Variants in LFNG observed in about 807,000 individuals in gnomAD.
LFNG encodes LFNG O-fucosylpeptide 3-beta-N-acetylglucosaminyltransferase, also known as beta-1,3-N-acetylglucosaminyltransferase lunatic fringe.
LFNG carries 15 observed loss-of-function variants against 32.7 expected under a neutral mutation model. The observed-to-expected ratio is 0.46, with a 90% CI of 0.31 to 0.71. LFNG has a LOEUF of 0.71. Among genes scored for constraint, LFNG ranks in the 30% least tolerant of loss-of-function variants. The probability of loss-of-function intolerance (pLI) is 0.06; values close to 1 mark genes in which losing one functional copy is unlikely to be tolerated. For missense variants in LFNG, 520 were observed against 545.7 expected (o/e 0.95, Z 0.47); for synonymous variants, 274 against 246.8 (o/e 1.11, Z -1.03).
upstream of LFNG, among the ~76,000 whole-genome samples, chr7:2,515,980 G>C (rs543797768): frequency 7.2e-5 from 11 of 152,356 alleles, no homozygotes; most frequent in African/African-American, 2.4e-4. Context: ...CTGCCACCAA[G>C]GGCTGCTCAC....
chr7:2,526,235 C>G lies in LFNG; in HGVS notation c.822-9C>G, dbSNP rs199661195. On this transcript the variant is annotated splice_polypyrimidine_tract_variant and intron_variant, in intron 5 of 7. Transcript: ENST00000222725. The surrounding 1 kb of genome is among the most constrained non-coding windows in gnomAD (Gnocchi z 6.9). ...TCTGCTCACTGGTCTGGGCCCTTCC[C>G]TCCCGCAGCGGGGGTCACTTCATGA... 261 of 1,612,570 alleles carry G rather than the reference C, an allele frequency of 1.6e-4. 1 individual carries two copies. The highest frequency in any genetic ancestry group is 3.3e-5 in the Admixed American group (2 of 60,008).
chr7:2,521,611 C>A (rs1310528444), intron 1 of LFNG, among the ~76,000 whole-genome samples: 1 of 152,200 alleles, frequency 6.6e-6, no homozygotes, highest in Non-Finnish European at 1.5e-5. Context: ...CTGGCCCCCC[C>A]ACCCCCAGCA....
At chr7:2,524,037 G>A (rs1483025964) in intron 1 of LFNG, among the ~76,000 whole-genome samples, 3 of 152,134 alleles carry the variant, frequency 2.0e-5, no homozygotes, top group African/African-American at 4.8e-5. Context: ...GGTAATGGGC[G>A]GCGCGGCCAC....
At chr7:2,512,753 C>T in intron 1 of LFNG, 2 of 1,567,348 alleles carry the variant, frequency 1.3e-6, no homozygotes, top group Non-Finnish European at 1.8e-6. Flanking sequence ...AGCCGTCCCT[C>T]TTGCTCGTGA....
chr7:2,527,832 C>A lies in LFNG; in HGVS notation c.*620C>A. 3 of 1,002,706 alleles carry A rather than the reference C, an allele frequency of 3.0e-6. No individual in the cohort carries two copies. The highest frequency in any genetic ancestry group is 3.6e-6 in the Non-Finnish European group (3 of 838,884). 62.1% of individuals were successfully genotyped at this position (1,002,706 alleles called of 1,614,324 possible). A position where few individuals can be genotyped will look rare whatever the true frequency, so the allele number is the denominator to read the frequency against. On this transcript the variant is annotated 3_prime_UTR_variant, in exon 8 of 8. Transcript: ENST00000222725. The surrounding 1 kb of genome is among the most constrained non-coding windows in gnomAD (Gnocchi z 4.4). ...GTGGCTGGCTGTCCAGCTGGGCAAA[C>A]AGTGGCACCCCTCCCAGCTCTTCTG...
intron 1 of LFNG, 53 bp from the exon 2 acceptor site, chr7:2,524,642 C>T: frequency 1.3e-6 from 2 of 1,533,216 alleles, no homozygotes; most frequent in Non-Finnish European, 1.8e-6. Context: ...CCACAGATGG[C>T]CCTGGGGTGG....
At chr7:2,518,098 C>G (rs993916358), upstream of LFNG, among the ~76,000 whole-genome samples, 1 of 152,074 alleles carries the variant, frequency 6.6e-6, no homozygotes, top group African/African-American at 2.4e-5. Context: ...TCATGGACAC[C>G]CCTCAGTCCG....
chr7:2,527,272 T>TGTTGC lies in LFNG; in HGVS notation c.*62_*66dup. On this transcript the variant is annotated 3_prime_UTR_variant, in exon 8 of 8. Transcript: ENST00000222725. The surrounding 1 kb of genome is among the most constrained non-coding windows in gnomAD (Gnocchi z 4.4). ...TGGTATCCAAAGGGCCCAGGGACCCTGTTGCGCTGCCCTGGCCTCGGCATT... is the reference window on the plus strand; with the variant it reads ...TGGTATCCAAAGGGCCCAGGGACCCTGTTGCGTTGCGCTGCCCTGGCCTCGGCATT... The TGTTGC allele has an allele frequency of 6.3e-7, 1 of 1,596,886 alleles. No homozygotes were observed. Among genetic ancestry groups the TGTTGC allele is most frequent in the Non-Finnish European group, 8.5e-7 (1 of 1,175,864 alleles).
At chr7:2,524,892 G>C (rs996900151) in intron 2 of LFNG, 149 bp downstream of exon 2, 2 of 741,862 alleles carry the variant, frequency 2.7e-6, no homozygotes, top group South Asian at 1.7e-5. Context: ...TCCATGCCCC[G>C]CCCCACCACT....
chr7:2,518,044 T>C (rs747775683), upstream of LFNG: 4 of 518,144 alleles, frequency 7.7e-6, no homozygotes, highest in Non-Finnish European at 1.1e-5. Context: ...ACAATTCAGA[T>C]ATGGGAGAGC....
upstream of LFNG, among the ~76,000 whole-genome samples, chr7:2,518,822 A>G (rs890221016): frequency 6.6e-6 from 1 of 152,012 alleles, no homozygotes; most frequent in Non-Finnish European, 1.5e-5. Context: ...CACCCTGCTC[A>G]GGCGACCCTT....
chr7:2,512,821 G>A, intron 1 of LFNG: 1 of 894,408 alleles, frequency 1.1e-6, no homozygotes, highest in Non-Finnish European at 1.8e-6. Context: ...AGATCCTCAG[G>A]CTTCTCTTTA....
chr7:2,516,313 G>A (rs777110838), upstream of LFNG, among the ~76,000 whole-genome samples: 3 of 152,230 alleles, frequency 2.0e-5, no homozygotes, highest in African/African-American at 7.2e-5. Context: ...GCTTCCTGCC[G>A]AGTTAATGGG....
chr7:2,524,833 G>C (rs1779904620), intron 2 of LFNG, 90 bp downstream of exon 2: 1 of 1,274,780 alleles, frequency 7.8e-7, no homozygotes, highest in Non-Finnish European at 1.1e-6. Flanking sequence ...TCTGGGCCGA[G>C]AGGTCACCAA....
upstream of LFNG, chr7:2,513,439 T>C (rs567040231): frequency 1.4e-5 from 18 of 1,243,620 alleles, no homozygotes; most frequent in South Asian, 2.5e-4. Flanking sequence ...GGGGGAAAGA[T>C]GGCCCATGGT....
chr7:2,522,622 CCGTCTT>C (rs1389314655), intron 1 of LFNG, among the ~76,000 whole-genome samples: 6 of 149,332 alleles, frequency 4.0e-5, no homozygotes, highest in African/African-American at 1.4e-4. Flanking sequence ...TCCTGCAGCC[CCGTCTT>C]CGTCTGGAAA....
chr7:2,526,413 C>A lies in LFNG; in HGVS notation c.987+4C>A. On this transcript the variant is annotated splice_donor_region_variant and intron_variant, in intron 6 of 7. Coordinates refer to ENST00000222725, the MANE Select transcript of LFNG (RefSeq NM_001040167.2). This position sits in a 1 kb window ranked among gnomAD's most constrained non-coding sequence, Gnocchi z 6.9. ...CACCTCGGAGCTCCACGAGCAGGTG[C>A]ACCATCCTCCGGGCCCCGCCAGGAC... is the stretch of plus-strand genomic sequence containing the variant. The A allele has an allele frequency of 6.2e-7, 1 of 1,605,996 alleles. No individual in the cohort carries two copies. The highest frequency in any genetic ancestry group is 8.5e-7 in the Non-Finnish European group (1 of 1,179,864).
chr7:2,516,277 C>T (rs1370685211), upstream of LFNG, among the ~76,000 whole-genome samples: 2 of 152,228 alleles, frequency 1.3e-5, no homozygotes, highest in African/African-American at 2.4e-5. Context: ...CTCCATCAGC[C>T]GATGAGTGGA....
chr7:2,512,908 C>A (rs1261895228), upstream of LFNG, among the ~76,000 whole-genome samples: 1 of 151,652 alleles, frequency 6.6e-6, no homozygotes, highest in Non-Finnish European at 1.5e-5. Flanking sequence ...TGCTCCCACA[C>A]CCCTGCCCAA....
Sources: allele counts gnomAD v4.1 joint callset (sites outside exome capture counted in the v4.1 genomes callset), GRCh38; gene constraint gnomAD v4.1.1; non-coding constraint Gnocchi (gnomAD v3.1); transcripts MANE v1.5; gene names NCBI Gene and HGNC (gene_info 2026-07-23, HGNC 2026-07-21).